PROKR1: variants seen among roughly 807,000 people sequenced by gnomAD.
PROKR1 encodes prokineticin receptor 1, also known as G protein-coupled receptor 73.
A neutral mutation model predicts 22.8 loss-of-function variants in PROKR1; 21 were observed. That is an observed-to-expected ratio of 0.92 (90% CI 0.65 to 1.32). The LOEUF is 1.32. Among genes scored for constraint, PROKR1 ranks in the 40% most tolerant of loss-of-function variants. PROKR1 has a pLI of 0.00. For missense variants in PROKR1, 548 were observed against 514.2 expected (o/e 1.07, Z -0.64); for synonymous variants, 193 against 207.5 (o/e 0.93, Z 0.60).
Position 68,656,078 on chromosome 2 carries a change from G to A in PROKR1, c.*502G>A, listed in dbSNP as rs1443502828. 2 of 230,914 alleles carry A rather than the reference G, an allele frequency of 8.7e-6. No homozygotes were observed. Among genetic ancestry groups the A allele is most frequent in the East Asian group, 1.1e-4 (1 of 8,932 alleles). The allele number at this position is 230,914 out of a possible 1,614,324, so 14.3% of individuals were successfully genotyped here. A position where few individuals can be genotyped will look rare whatever the true frequency, so the allele number is the denominator to read the frequency against. On this transcript the variant is annotated 3_prime_UTR_variant, in exon 3 of 3. Transcript: ENST00000303786. The stretch of plus-strand genomic sequence containing the variant: ...CCCTTATCCTCTCATCTTTCATGGC[G>A]AGGGGCCTTGCATGCATGTGCACGG...
Position 68,646,241 on chromosome 2 carries a change from C to G in PROKR1, c.420C>G (p.Val140=). Residue 140 remains valine (V), a synonymous_variant, in exon 2 of 3, where the codon GTC becomes GTG. Transcript: ENST00000303786. ...ACGGCCACGTCCTGTGCACCTCTGT[C>G]AACTACCTGCGCACTGTCTCTCTCT... ...WEHGHVLCTS[V]NYLRTVSLYV... is the part of the protein sequence containing the mutation. 6.2e-7 allele frequency: 1 copy of G among 1,614,100 alleles called. No individual in the cohort carries two copies. Among genetic ancestry groups the G allele is most frequent in the Non-Finnish European group, 8.5e-7 (1 of 1,179,944 alleles).
Position 68,646,304 on chromosome 2 carries a change from C to G in PROKR1, c.483C>G (p.Asp161Glu), listed in dbSNP as rs1246551769. The G allele has an allele frequency of 2.5e-6, 4 of 1,614,202 alleles. No individual in the cohort carries two copies. In the African/African-American group the frequency reaches 5.3e-5, roughly 22 times the overall value. ...ATGCCCTGCTGGCCATCGCCATTGA[C>G]AGGTGAGTGCAGCAGCAGTGGGGAC... ...STNALLAIAI[D>E]RYLAIVHPLR... The change falls in exon 2 of 3, where the codon GAC (aspartate) becomes GAG (glutamate). Residue 161 changes from aspartate to glutamate, a missense_variant and splice_region_variant. By Grantham distance (45) the Asp-to-Glu change is conservative. Coordinates refer to ENST00000303786, the MANE Select transcript of PROKR1 (RefSeq NM_138964.4).
intron 2 of PROKR1, chr2:68,649,742 C>A (rs1306911548): frequency 6.6e-6 from 1 of 152,112 alleles, no homozygotes; most frequent in Non-Finnish European, 1.5e-5. Context: ...TTTGAACTGG[C>A]TTCTGAATGA....
At chr2:68,645,354 A>C (rs1485081864) in intron 1 of PROKR1, among the ~76,000 whole-genome samples, 1 of 152,114 alleles carries the variant, frequency 6.6e-6, no homozygotes, top group Non-Finnish European at 1.5e-5. Context: ...CATTTAAAGA[A>C]ATTTCTTTCT....
In PROKR1 at chr2:68,656,157, C is replaced by A. The variant is rs567549735; in HGVS notation, c.*581C>A. ...TGCAAACTCTTCCTCCCACACTGCTCTATGGCCACCCTCAGGCCCAGGGCT... is the reference window on the plus strand; with the variant it reads ...TGCAAACTCTTCCTCCCACACTGCTATATGGCCACCCTCAGGCCCAGGGCT... On this transcript the variant is annotated 3_prime_UTR_variant, in exon 3 of 3. Coordinates refer to ENST00000303786, the MANE Select transcript of PROKR1 (RefSeq NM_138964.4). 9.6e-5 allele frequency: 17 copies of A among 176,518 alleles called. No individual in the cohort carries two copies. The highest frequency in any genetic ancestry group is 2.7e-4 in the Admixed American group (5 of 18,546). 10.9% of individuals were successfully genotyped at this position (176,518 alleles called of 1,614,324 possible).
At chr2:68,654,344 T>A (rs186287690) in intron 2 of PROKR1, among the ~76,000 whole-genome samples, 1 of 152,354 alleles carries the variant, frequency 6.6e-6, no homozygotes, top group Admixed American at 6.5e-5. Context: ...CCAGGCATAG[T>A]GCATACATTA....
In PROKR1 at chr2:68,646,131, C is replaced by G; in HGVS notation, c.310C>G (p.Leu104Val). 1.2e-6 allele frequency: 2 copies of G among 1,610,460 alleles called. No homozygotes were observed. Among genetic ancestry groups the G allele is most frequent in the Non-Finnish European group, 1.7e-6 (2 of 1,177,540 alleles). The change falls in exon 2 of 3, where the codon CTG (leucine) becomes GTG (valine). Residue 104 changes from leucine to valine, a missense_variant. Leu to Val is a conservative substitution (Grantham distance 32). Transcript: ENST00000303786. ...CCTCACCAACCTGCTCATCGCCAAC[C>G]TGGCCATCTCTGACTTCCTGGTGGC... ...RNLTNLLIANLAISDFLVAIV... is the reference protein window; with the variant it reads ...RNLTNLLIANVAISDFLVAIV...
At position 68,655,191 on chromosome 2, in the gene PROKR1, G is replaced by T; in HGVS notation, c.797G>T (p.Gly266Val). 6.2e-7 allele frequency: 1 copy of T among 1,614,246 alleles called. No individual in the cohort carries two copies. The highest frequency in any genetic ancestry group is 8.5e-7 in the Non-Finnish European group (1 of 1,180,044). Residue 266 changes from glycine (G) to valine (V), a missense_variant, in exon 3 of 3, where the codon GGA (glycine) becomes GTA (valine). Physicochemically the swap from Gly to Val is moderately radical, Grantham distance 109. Transcript: ENST00000303786. Reference protein sequence around the residue: ...SRELWFKAVPGFQTEQIRKRL... With the variant: ...SRELWFKAVPVFQTEQIRKRL... ...GAGCTCTGGTTCAAGGCGGTCCCTG[G>T]ATTCCAGACAGAGCAGATCCGCAAG...
At position 68,657,555 on chromosome 2, in the gene PROKR1, A is replaced by G. The variant is rs907929484; in HGVS notation, c.*1979A>G. On this transcript the variant is annotated 3_prime_UTR_variant, in exon 3 of 3. Transcript: ENST00000303786. The stretch of plus-strand genomic sequence containing the variant: ...TACTAGAAGTGCTGATCATCTTCCC[A>G]TGACTGTTCCCAGCCAGCATGAATC... 1 of 152,192 alleles carries G rather than the reference A, an allele frequency of 6.6e-6. No individual in the cohort carries two copies. The highest frequency in any genetic ancestry group is 2.4e-5 in the African/African-American group (1 of 41,450). The allele number at this position is 152,192 out of a possible 1,614,324, so 9.4% of individuals were successfully genotyped here.
In PROKR1 at chr2:68,654,963, C is replaced by T; in HGVS notation, c.569C>T (p.Ser190Phe). 1 of 1,613,678 alleles carries T rather than the reference C, an allele frequency of 6.2e-7. No individual in the cohort carries two copies. The highest frequency in any genetic ancestry group is 8.5e-7 in the Non-Finnish European group (1 of 1,179,994). ...CTGATTGCCTTGGTGTGGACGGTGTCCATCCTGATCGCCATCCCTTCCGCC... is the reference window on the plus strand; with the variant it reads ...CTGATTGCCTTGGTGTGGACGGTGTTCATCCTGATCGCCATCCCTTCCGCC... Reference protein sequence around the residue: ...TGLIALVWTVSILIAIPSAYF... With the variant: ...TGLIALVWTVFILIAIPSAYF... Residue 190 changes from serine (S) to phenylalanine (F), a missense_variant, in exon 3 of 3, where the codon TCC becomes TTC. Coordinates refer to ENST00000303786, the MANE Select transcript of PROKR1 (RefSeq NM_138964.4).
rs1421868342 is a variant in PROKR1, at chr2:68,655,388, A to G, written c.994A>G (p.Met332Val). 1.2e-6 allele frequency: 2 copies of G among 1,614,220 alleles called. No homozygotes were observed. Among genetic ancestry groups the G allele is most frequent in the Non-Finnish European group, 1.7e-6 (2 of 1,180,000 alleles). ...CTTCTACATCGTCGAGTGCATCGCCATGAGCAACAGCATGATCAACACTCT... is the reference window on the plus strand; with the variant it reads ...CTTCTACATCGTCGAGTGCATCGCCGTGAGCAACAGCATGATCAACACTCT... The part of the protein sequence containing the change: ...TAFYIVECIA[M>V]SNSMINTLCF... The change falls in exon 3 of 3, where the codon ATG becomes GTG. Residue 332 changes from methionine to valine, a missense_variant. Met to Val is a conservative substitution (Grantham distance 21). Coordinates refer to ENST00000303786, the MANE Select transcript of PROKR1 (RefSeq NM_138964.4).
intron 1 of PROKR1, 42 bp downstream of exon 1, chr2:68,643,890 C>A (rs566498339): frequency 6.6e-6 from 1 of 152,452 alleles, no homozygotes; most frequent in East Asian, 1.9e-4. Context: ...CCAGGGACCC[C>A]GCGCTGCACT....
In PROKR1 at chr2:68,645,817, G is replaced by C; in HGVS notation, c.-5G>C. The C allele has an allele frequency of 6.2e-7, 1 of 1,614,202 alleles. No homozygotes were observed. The highest frequency in any genetic ancestry group is 1.1e-5 in the South Asian group (1 of 91,082). On this transcript the variant is annotated 5_prime_UTR_variant, in exon 2 of 3. Transcript: ENST00000303786. Reference sequence around the variant, plus strand: ...GCAGTGTTGCTCACAGCACCACCTGGCCAGATGGAGACCACCATGGGGTTC... The same window carrying C: ...GCAGTGTTGCTCACAGCACCACCTGCCCAGATGGAGACCACCATGGGGTTC...
intron 1 of PROKR1, among the ~76,000 whole-genome samples, chr2:68,644,383 G>C (rs1371778114): frequency 6.6e-6 from 1 of 152,062 alleles, no homozygotes; most frequent in East Asian, 1.9e-4. Context: ...GCTGAGTTCT[G>C]CCTCTCCTCC....
At chr2:68,653,356 A>C (rs1201870838) in intron 2 of PROKR1, among the ~76,000 whole-genome samples, 1 of 152,118 alleles carries the variant, frequency 6.6e-6, no homozygotes, top group African/African-American at 2.4e-5. Context: ...TGAACTCTCT[A>C]AAGGATGCTC....
rs1037131027 is a variant in PROKR1, at chr2:68,647,897, G to A, written c.485+1591G>A. Reference sequence around the variant, plus strand: ...TTTCATTTACCTGGACAAGGACCCCGCATGAACCCACTGAAGGAGCAGGAG... The same window carrying A: ...TTTCATTTACCTGGACAAGGACCCCACATGAACCCACTGAAGGAGCAGGAG... On this transcript the variant is annotated intron_variant, in intron 2 of 2. Transcript: ENST00000303786. Among the ~76,000 whole-genome samples the A allele has an allele frequency of 4.6e-5, 7 of 152,114 alleles. 1 individual carries two copies. The highest frequency in any genetic ancestry group is 9.7e-5 in the African/African-American group (4 of 41,398).
rs922601378 is a variant in PROKR1, at chr2:68,655,186, C to T, written c.792C>T (p.Val264=). 1.2e-6 allele frequency: 2 copies of T among 1,614,216 alleles called. No homozygotes were observed. The highest frequency in any genetic ancestry group is 2.2e-5 in the South Asian group (2 of 91,078). Residue 264 remains valine, a synonymous_variant, in exon 3 of 3, where the codon GTC becomes GTT. Transcript: ENST00000303786. ...RISRELWFKA[V]PGFQTEQIRK... is the part of the protein sequence containing the mutation. ...CCCGGGAGCTCTGGTTCAAGGCGGT[C>T]CCTGGATTCCAGACAGAGCAGATCC...
In PROKR1 at chr2:68,655,673, G is replaced by C; in HGVS notation, c.*97G>C. 8.1e-7 allele frequency: 1 copy of C among 1,229,864 alleles called. No homozygotes were observed. The highest frequency in any genetic ancestry group is 1.2e-6 in the Non-Finnish European group (1 of 862,614). The allele number at this position is 1,229,864 out of a possible 1,614,324, so 76.2% of individuals were successfully genotyped here. A position where few individuals can be genotyped will look rare whatever the true frequency, so the allele number is the denominator to read the frequency against. On this transcript the variant is annotated 3_prime_UTR_variant, in exon 3 of 3. Coordinates refer to ENST00000303786, the MANE Select transcript of PROKR1 (RefSeq NM_138964.4). Reference sequence around the variant, plus strand: ...ATCAACCTGGAACTTTTTGTTTGCTGCAGAGGGTAAAGTAAATGGACCACT... The same window carrying C: ...ATCAACCTGGAACTTTTTGTTTGCTCCAGAGGGTAAAGTAAATGGACCACT...
rs751567914 is a variant in PROKR1 at position 68,646,120 on chromosome 2, T to TCATCG, written c.301_305dup (p.Asn103SerfsTer70). 6.2e-7 allele frequency: 1 copy of TCATCG among 1,612,254 alleles called. No homozygotes were observed. The highest frequency in any genetic ancestry group is 2.2e-5 in the East Asian group (1 of 44,850). ...AAACTGCGCAACCTCACCAACCTGC[T>TCATCG]CATCGCCAACCTGGCCATCTCTGAC... is the stretch of plus-strand genomic sequence containing the variant. On this transcript the variant is annotated frameshift_variant, in exon 2 of 3. Transcript: ENST00000303786. LOFTEE classifies it high-confidence loss of function.
Sources: gnomAD v4.1 joint callset for allele counts (sites outside exome capture counted in the v4.1 genomes callset) on GRCh38, gnomAD v4.1.1 for gene constraint, MANE v1.5 for transcripts, NCBI Gene and HGNC (gene_info 2026-07-23, HGNC 2026-07-21) for gene names.